LAMC3: variants seen among roughly 807,000 people sequenced by gnomAD.
LAMC3 encodes the protein laminin subunit gamma-3.
Under a neutral mutation model 173.8 loss-of-function variants are expected in LAMC3, and 128 were observed. The ratio of observed to expected loss-of-function variants is 0.74; its 90% CI spans 0.64 to 0.85. The LOEUF is 0.85. LAMC3 is among the 40% of genes least tolerant of loss of function. The pLI, the probability that LAMC3 is intolerant of heterozygous loss-of-function variation, is 0.00. For missense variants in LAMC3, 2,022 were observed against 2,156.0 expected, an observed-to-expected ratio of 0.94 and a Z score of 1.23; for synonymous variants, 897 against 909.1, an observed-to-expected ratio of 0.99 and a Z score of 0.24.
chr9:131,075,575 A>T (rs1182521654), intron 20 of LAMC3, among the ~76,000 whole-genome samples: 1 of 152,086 alleles, frequency 6.6e-6, no homozygotes, highest in African/African-American at 2.4e-5. Context: ...AAAAAAAAAA[A>T]AAAAGTCCTA....
At chr9:131,070,059 A>G (rs996696002) in intron 17 of LAMC3, among the ~76,000 whole-genome samples, 2 of 152,098 alleles carry the variant, frequency 1.3e-5, no homozygotes, top group Non-Finnish European at 2.9e-5. Flanking sequence ...CTCTAGGTGG[A>G]TGGGGGAAAT....
chr9:131,032,726 T>G (rs1263046019), intron 3 of LAMC3, among the ~76,000 whole-genome samples: 2 of 152,144 alleles, frequency 1.3e-5, no homozygotes, highest in African/African-American at 4.8e-5. Flanking sequence ...TGGAGTGCAG[T>G]GGTGCAATCT....
intron 13 of LAMC3, 49 bp downstream of exon 13, chr9:131,061,272 G>T (rs765617973): frequency 9.3e-5 from 140 of 1,509,702 alleles, no homozygotes; most frequent in Non-Finnish European, 1.2e-4. Flanking sequence ...GCCAAGCCCC[G>T]GCACTGTGAC....
intron 17 of LAMC3, among the ~76,000 whole-genome samples, chr9:131,071,028 G>A (rs1299721600): frequency 6.6e-6 from 1 of 152,190 alleles, no homozygotes; most frequent in African/African-American, 2.4e-5. Context: ...GACATGGCAG[G>A]CATTTGTGCT....
At position 131,009,471 on chromosome 9, in the gene LAMC3, A is replaced by G. The variant is rs778010906; in HGVS notation, c.257A>G (p.His86Arg). The G allele has an allele frequency of 2.6e-6, 4 of 1,548,982 alleles. No individual in the cohort carries two copies. Among genetic ancestry groups the G allele is most frequent in the Non-Finnish European group, 3.5e-6 (4 of 1,146,640 alleles). Reference protein sequence around the residue: ...RCDAADPQRHHNASYLTDFHS... With the variant: ...RCDAADPQRHRNASYLTDFHS... ...GACGCCGCCGACCCCCAGCGCCACC[A>G]CAACGCCTCCTACCTCACCGACTTC... is the stretch of plus-strand genomic sequence containing the variant. Residue 86 changes from histidine to arginine, a missense_variant, in exon 1 of 28, where the codon CAC becomes CGC. Physicochemically the swap from His to Arg is conservative, Grantham distance 29. Coordinates refer to ENST00000361069, the MANE Select transcript of LAMC3 (RefSeq NM_006059.4). This position sits in a 1 kb window ranked among gnomAD's most constrained non-coding sequence, Gnocchi z 4.3.
At chr9:131,077,564 C>G (rs1479196603) in intron 22 of LAMC3, among the ~76,000 whole-genome samples, 1 of 151,316 alleles carries the variant, frequency 6.6e-6, no homozygotes, top group African/African-American at 2.4e-5. Flanking sequence ...GTAACCCCAG[C>G]TACTGGAGAG....
chr9:131,068,710 CT>C (rs1378250236), intron 15 of LAMC3, among the ~76,000 whole-genome samples, 197 bp from the exon 16 acceptor site: 2 of 152,148 alleles, frequency 1.3e-5, no homozygotes, highest in African/African-American at 4.8e-5. Context: ...CTTATTTTAT[CT>C]TCTTTTCTCC....
intron 2 of LAMC3, among the ~76,000 whole-genome samples, chr9:131,030,195 C>T (rs530165978): frequency 7.8e-4 from 119 of 152,288 alleles, no homozygotes; most frequent in African/African-American, 2.8e-3. Context: ...CCGCCTTGGC[C>T]TCCCAAAGTG....
At chr9:131,057,538 C>A (rs1478819426) in intron 12 of LAMC3, among the ~76,000 whole-genome samples, 1 of 152,226 alleles carries the variant, frequency 6.6e-6, no homozygotes, top group Non-Finnish European at 1.5e-5. Flanking sequence ...ACCAGCATGG[C>A]AGGTGACAGC....
intron 7 of LAMC3, among the ~76,000 whole-genome samples, chr9:131,043,486 CA>C (rs1423040306): frequency 6.6e-6 from 1 of 152,178 alleles, no homozygotes; most frequent in Admixed American, 6.5e-5. Flanking sequence ...CAGCCCAAAC[CA>C]GAACGTGGGC....
intron 2 of LAMC3, among the ~76,000 whole-genome samples, chr9:131,027,841 C>T (rs1021385436): frequency 2.0e-5 from 3 of 152,204 alleles, no homozygotes; most frequent in Non-Finnish European, 2.9e-5. Context: ...GGCCTGTCGC[C>T]ATGTCAGTCC....
chr9:131,048,298 C>A (rs1834214476), intron 8 of LAMC3, among the ~76,000 whole-genome samples: 1 of 152,126 alleles, frequency 6.6e-6, no homozygotes, highest in South Asian at 2.1e-4. Context: ...CTCAGATGAT[C>A]CACCCACCTC....
rs1830447274 is a variant in LAMC3, at chr9:131,092,780, G to T, written c.*993G>T. On this transcript the variant is annotated 3_prime_UTR_variant, in exon 28 of 28. Coordinates refer to ENST00000361069, the MANE Select transcript of LAMC3 (RefSeq NM_006059.4). ...CACTTGCCATGCGGGAGGCCACCAG[G>T]GTGTGCAAGCCTGGCTGCCATTCCA... 1 of 152,326 alleles carries T rather than the reference G, an allele frequency of 6.6e-6. No homozygotes were observed. The highest frequency in any genetic ancestry group is 2.1e-4 in the South Asian group (1 of 4,834). 9.4% of individuals were successfully genotyped at this position (152,326 alleles called of 1,614,324 possible).
chr9:131,035,742 C>G (rs572635435), intron 3 of LAMC3, among the ~76,000 whole-genome samples: 7 of 152,170 alleles, frequency 4.6e-5, no homozygotes, highest in Non-Finnish European at 5.9e-5. Flanking sequence ...AGGCGGTTCC[C>G]TTTGCCTTCC....
chr9:131,044,545 G>A (rs188909018), intron 7 of LAMC3, among the ~76,000 whole-genome samples: 8 of 152,242 alleles, frequency 5.3e-5, no homozygotes, highest in Admixed American at 1.3e-4. Context: ...CACCGCGTCC[G>A]GCCTATTCAG....
At chr9:131,022,193 T>C (rs771544181) in intron 1 of LAMC3, among the ~76,000 whole-genome samples, 5 of 138,006 alleles carry the variant, frequency 3.6e-5, no homozygotes, top group Non-Finnish European at 8.0e-5. Flanking sequence ...ATGGGAGTCA[T>C]AAGCCAGGAG....
Position 131,093,032 on chromosome 9 carries a change from C to T in LAMC3, c.*1245C>T, listed in dbSNP as rs917777517. The T allele has an allele frequency of 1.3e-5, 2 of 152,320 alleles. No individual in the cohort carries two copies. The highest frequency in any genetic ancestry group is 2.9e-5 in the Non-Finnish European group (2 of 68,124). 9.4% of individuals were successfully genotyped at this position (152,320 alleles called of 1,614,324 possible). Reference sequence around the variant, plus strand: ...AGCAGCACAGACCAATTCCGTTGAACGTGGAAATAAAGGACCCTTTCACTG... The same window carrying T: ...AGCAGCACAGACCAATTCCGTTGAATGTGGAAATAAAGGACCCTTTCACTG... On this transcript the variant is annotated 3_prime_UTR_variant, in exon 28 of 28. Coordinates refer to ENST00000361069, the MANE Select transcript of LAMC3 (RefSeq NM_006059.4).
At chr9:131,032,557 G>GCT (rs58169839) in intron 3 of LAMC3, among the ~76,000 whole-genome samples, 34,526 of 131,922 alleles carry the variant, frequency 0.26, 5,530 homozygotes, top group African/African-American at 0.51. Flanking sequence ...GCTCTCTCTC[G>GCT]CTCTCTCTCT....
chr9:131,010,385 C>T (rs1833391982), intron 1 of LAMC3, among the ~76,000 whole-genome samples: 1 of 152,070 alleles, frequency 6.6e-6, no homozygotes, highest in African/African-American at 2.4e-5. Context: ...CCCTAGATAG[C>T]CAGAAGGATA....
Sources: gnomAD v4.1 joint callset for allele counts (sites outside exome capture counted in the v4.1 genomes callset) on GRCh38, gnomAD v4.1.1 for gene constraint, Gnocchi (gnomAD v3.1) non-coding constraint, MANE v1.5 for transcripts, NCBI Gene and HGNC (gene_info 2026-07-23, HGNC 2026-07-21) for gene names.